Variants in SERPINI1 observed in about 807,000 individuals in gnomAD.
SERPINI1 encodes neuroserpin.
In SERPINI1, 19 loss-of-function variants were observed where a neutral mutation model predicts 41.1. That is an observed-to-expected ratio of 0.46 (90% CI 0.32 to 0.68). The LOEUF is 0.68. SERPINI1 is among the 30% of genes least tolerant of loss of function. The pLI is 0.03. For synonymous variants in SERPINI1, 138 were observed against 156.6 expected, an observed-to-expected ratio of 0.88 and a Z score of 0.89; for missense variants, 460 against 479.2, an observed-to-expected ratio of 0.96 and a Z score of 0.37.
At chr3:167,767,859 T>A (rs531329587) in intron 1 of SERPINI1, among the ~76,000 whole-genome samples, 2 of 152,276 alleles carry the variant, frequency 1.3e-5, no homozygotes, top group African/African-American at 4.8e-5. Context: ...CATGATCAAA[T>A]TTGAAGGGAT....
chr3:167,823,174 C>T, intron 7 of SERPINI1, 102 bp downstream of exon 7: 1 of 823,164 alleles, frequency 1.2e-6, no homozygotes, highest in Non-Finnish European at 2.1e-6. Context: ...AAAAAAGTCA[C>T]TCTGCTCTAA....
intron 4 of SERPINI1, 103 bp downstream of exon 4, chr3:167,792,887 T>G: frequency 1.0e-6 from 1 of 996,828 alleles, no homozygotes; most frequent in East Asian, 2.4e-5. Context: ...CAATCTAATT[T>G]GGGCTACAAT....
intron 1 of SERPINI1, among the ~76,000 whole-genome samples, chr3:167,780,255 G>A (rs923573951): frequency 2.0e-5 from 3 of 152,030 alleles, no homozygotes; most frequent in Non-Finnish European, 2.9e-5. Context: ...CTTTGTGATT[G>A]AAAATGTAAT....
At position 167,777,205 on chromosome 3, in the gene SERPINI1, T is replaced by C. The variant is rs147360946; in HGVS notation, c.-18-11906T>C. On this transcript the variant is annotated intron_variant, in intron 1 of 8. Transcript: ENST00000446050. ...TATAAATTCCCACTTGTCCTGGTAT[T>C]TGGAGTTAAACACGTTCTCTCTCTA... 1.1e-3 allele frequency among the ~76,000 whole-genome samples: 161 copies of C among 152,280 alleles called. 1 individual carries two copies. The highest frequency in any genetic ancestry group is 1.5e-3 in the Non-Finnish European group (99 of 68,026).
Position 167,762,916 on chromosome 3 carries a change from G to T in SERPINI1, c.-18-26195G>T, listed in dbSNP as rs769647479. On this transcript the variant is annotated intron_variant, in intron 1 of 8. Transcript: ENST00000446050. ...TCCTTTACGAACAAATTGAATGCCC[G>T]GTGACATTCAATTCAAGGAGGGGAT... 2.6e-5 allele frequency among the ~76,000 whole-genome samples: 4 copies of T among 152,016 alleles called. No homozygotes were observed. In the East Asian group the frequency reaches 7.7e-4, roughly 29 times the overall value.
chr3:167,739,104 G>A (rs1020968465), intron 1 of SERPINI1, among the ~76,000 whole-genome samples: 1 of 139,166 alleles, frequency 7.2e-6, no homozygotes, highest in Non-Finnish European at 1.6e-5. Flanking sequence ...AGATTTTTTT[G>A]TTGTTTCTTT....
At chr3:167,743,021 A>G (rs1725730072) in intron 1 of SERPINI1, among the ~76,000 whole-genome samples, 2 of 152,156 alleles carry the variant, frequency 1.3e-5, no homozygotes, top group Non-Finnish European at 2.9e-5. Context: ...ACTTTGCATT[A>G]CAAACACTTT....
Position 167,825,342 on chromosome 3 carries a change from C to A in SERPINI1, c.*19C>A, listed in dbSNP as rs749168750. 2.0e-6 allele frequency: 3 copies of A among 1,514,708 alleles called. No individual in the cohort carries two copies. Among genetic ancestry groups the A allele is most frequent in the East Asian group, 2.3e-5 (1 of 44,350 alleles). The allele number at this position is 1,514,708 out of a possible 1,614,324, so 93.8% of individuals were successfully genotyped here. A position where few individuals can be genotyped will look rare whatever the true frequency, so the allele number is the denominator to read the frequency against. On this transcript the variant is annotated 3_prime_UTR_variant, in exon 9 of 9. Transcript: ENST00000446050. The stretch of plus-strand genomic sequence containing the variant: ...ACTTTAAGTTACTTTATTTGAATAA[C>A]AAGGAAAACAGTAACTAAGCACATT...
intron 6 of SERPINI1, among the ~76,000 whole-genome samples, chr3:167,815,467 G>A (rs574357991): frequency 1.3e-5 from 2 of 151,412 alleles, no homozygotes; most frequent in South Asian, 2.1e-4. Flanking sequence ...TTGGCTCACT[G>A]CAACCTCTGC....
intron 1 of SERPINI1, among the ~76,000 whole-genome samples, chr3:167,746,675 G>C (rs572378982): frequency 2.8e-4 from 42 of 152,190 alleles, no homozygotes; most frequent in Non-Finnish European, 4.4e-4. Context: ...TTAGACACTA[G>C]GGAAATGCAA....
chr3:167,792,632 C>T lies in SERPINI1; in HGVS notation c.524C>T (p.Ala175Val), dbSNP rs1727567949. 1 of 1,613,606 alleles carries T rather than the reference C, an allele frequency of 6.2e-7. No individual in the cohort carries two copies. Among genetic ancestry groups the T allele is most frequent in the Non-Finnish European group, 8.5e-7 (1 of 1,179,862 alleles). ...DLVSPRDFDAATYLALINAVY... is the reference protein window; with the variant it reads ...DLVSPRDFDAVTYLALINAVY... ...GTATCCCCAAGGGATTTTGATGCTG[C>T]CACTTATCTGGCCCTCATTAATGCT... The change falls in exon 4 of 9, where the codon GCC becomes GTC. Residue 175 changes from alanine to valine, a missense_variant. Ala to Val is a moderately conservative substitution (Grantham distance 64). Coordinates refer to ENST00000446050, the MANE Select transcript of SERPINI1 (RefSeq NM_001122752.2).
chr3:167,763,128 G>A (rs1277444265), intron 1 of SERPINI1, among the ~76,000 whole-genome samples: 1 of 152,186 alleles, frequency 6.6e-6, no homozygotes, highest in Non-Finnish European at 1.5e-5. Context: ...GGGCCAAGCA[G>A]TGGGCTAGGT....
intron 1 of SERPINI1, among the ~76,000 whole-genome samples, chr3:167,754,557 G>A (rs1312326059): frequency 2.0e-5 from 3 of 152,146 alleles, no homozygotes; most frequent in African/African-American, 2.4e-5. Flanking sequence ...TAATGTTTAT[G>A]ACTTGGCCAT....
intron 4 of SERPINI1, among the ~76,000 whole-genome samples, chr3:167,793,596 A>ATATATATATATTTTTTTTTTTT: frequency 2.1e-5 from 3 of 140,610 alleles, no homozygotes; most frequent in African/African-American, 8.2e-5. Flanking sequence ...ATATATATAT[A>ATATATATATATTTTTTTTTTTT]TTTTTAATTA....
At chr3:167,804,277 A>G (rs1711546233) in intron 5 of SERPINI1, among the ~76,000 whole-genome samples, 2 of 152,208 alleles carry the variant, frequency 1.3e-5, no homozygotes, top group African/African-American at 2.4e-5. Flanking sequence ...TGCTAAGACT[A>G]TTTTCCACTA....
intron 6 of SERPINI1, among the ~76,000 whole-genome samples, chr3:167,820,335 T>G (rs1712272094): frequency 6.6e-6 from 1 of 152,184 alleles, no homozygotes; most frequent in African/African-American, 2.4e-5. Context: ...GCCTGCCCCC[T>G]TCTGAGTTGG....
At chr3:167,740,935 C>T (rs1380717443) in intron 1 of SERPINI1, among the ~76,000 whole-genome samples, 2 of 152,186 alleles carry the variant, frequency 1.3e-5, no homozygotes, top group East Asian at 3.8e-4. Flanking sequence ...TAATATGAGG[C>T]CTTAACTAAA....
chr3:167,749,375 G>A (rs1470070829), intron 1 of SERPINI1, among the ~76,000 whole-genome samples: 2 of 151,104 alleles, frequency 1.3e-5, no homozygotes, highest in Non-Finnish European at 2.9e-5. Context: ...AAAACATAAT[G>A]TTCAGCTAGC....
chr3:167,769,363 T>G (rs1726668893), intron 1 of SERPINI1, among the ~76,000 whole-genome samples: 1 of 152,146 alleles, frequency 6.6e-6, no homozygotes. Flanking sequence ...AGATCATACA[T>G]AAAATAAAAT....
Sources: allele counts gnomAD v4.1 joint callset (sites outside exome capture counted in the v4.1 genomes callset), GRCh38; gene constraint gnomAD v4.1.1; transcripts MANE v1.5; gene names NCBI Gene and HGNC (gene_info 2026-07-23, HGNC 2026-07-21).